The following COL24A1 variants were observed in gnomAD, a reference collection of about 807,000 sequenced individuals.
The protein encoded by COL24A1 is collagen alpha-1(XXIV) chain.
In COL24A1, 224 loss-of-function variants were observed where a neutral mutation model predicts 253.9. That is an observed-to-expected ratio of 0.88 (90% confidence interval 0.79 to 0.99). The LOEUF (loss-of-function observed/expected upper bound fraction) is 0.99, where lower values mean the gene tolerates loss of function less well. Ranked by LOEUF, COL24A1 falls within the 50% of genes least tolerant of loss-of-function variation. The probability of loss-of-function intolerance (pLI) is 0.00; values close to 1 mark genes in which losing one functional copy is unlikely to be tolerated. For synonymous variants in COL24A1, 685 were observed against 673.7 expected, an observed-to-expected ratio of 1.02 and a Z score of -0.26; for missense variants, 2,131 against 2,068.5, an observed-to-expected ratio of 1.03 and a Z score of -0.59.
Position 85,889,608 on chromosome 1 carries a change from T to C in COL24A1, c.2928A>G (p.Leu976=), listed in dbSNP as rs755037077. 1.2e-6 allele frequency: 2 copies of C among 1,613,204 alleles called. No homozygotes were observed. The highest frequency in any genetic ancestry group is 1.7e-6 in the Non-Finnish European group (2 of 1,179,312). The change falls in exon 32 of 60, where the codon TTA becomes TTG. Residue 976 remains leucine (L), a synonymous_variant. Transcript: ENST00000370571. ...GERGFQGKPG[L]QGLPGSTGDR... is the part of the protein sequence containing the mutation. ...CACCTGTACTTCCAGGCAATCCCTG[T>C]AAACCCTGGACAAATAAAGGCAATA...
At chr1:86,132,866 T>C (rs902433440) in intron 2 of COL24A1, among the ~76,000 whole-genome samples, 28 of 151,944 alleles carry the variant, frequency 1.8e-4, no homozygotes, top group Non-Finnish European at 3.7e-4. Context: ...TTTGGTTCCA[T>C]ATGAACTTTA....
chr1:85,892,136 A>G (rs563604617), intron 31 of COL24A1, among the ~76,000 whole-genome samples: 1 of 152,304 alleles, frequency 6.6e-6, no homozygotes, highest in South Asian at 2.1e-4. Flanking sequence ...AGTAATTTGT[A>G]CAAAGTCAAG....
At chr1:86,072,013 T>G (rs1701911040) in intron 7 of COL24A1, among the ~76,000 whole-genome samples, 1 of 152,190 alleles carries the variant, frequency 6.6e-6, no homozygotes, top group African/African-American at 2.4e-5. Context: ...CTGTGAAACC[T>G]GCAGACCAGG....
chr1:86,104,445 G>C (rs575019938), intron 5 of COL24A1, among the ~76,000 whole-genome samples: 1 of 152,264 alleles, frequency 6.6e-6, no homozygotes, highest in South Asian at 2.1e-4. Flanking sequence ...GAGGAAAGAA[G>C]GCACTCTGAC....
intron 2 of COL24A1, among the ~76,000 whole-genome samples, chr1:86,143,595 G>A (rs1336531004): frequency 6.6e-6 from 1 of 151,882 alleles, no homozygotes; most frequent in Non-Finnish European, 1.5e-5. Context: ...GAATAGTAAT[G>A]TTAAGTCCTC....
intron 24 of COL24A1, among the ~76,000 whole-genome samples, chr1:85,918,883 C>T (rs1686175379): frequency 6.6e-6 from 1 of 152,118 alleles, no homozygotes; most frequent in South Asian, 2.1e-4. Flanking sequence ...ATTCACTGCT[C>T]CTTTCTGTGG....
intron 19 of COL24A1, among the ~76,000 whole-genome samples, chr1:86,011,517 G>T (rs994868468): frequency 6.6e-6 from 1 of 151,988 alleles, no homozygotes; most frequent in Non-Finnish European, 1.5e-5. Flanking sequence ...TATGCTCTTG[G>T]TACTATAAAA....
intron 19 of COL24A1, among the ~76,000 whole-genome samples, chr1:86,002,894 C>T (rs1695569407): frequency 6.6e-6 from 1 of 152,112 alleles, no homozygotes; most frequent in African/African-American, 2.4e-5. Flanking sequence ...CCATTCTATA[C>T]CTAGGAATAC....
rs528451622 is a variant in COL24A1, at chr1:85,775,716, G to T, written c.4339-7C>A. 1 of 1,380,108 alleles carries T rather than the reference G, an allele frequency of 7.2e-7. No homozygotes were observed. The highest frequency in any genetic ancestry group is 2.2e-5 in the Admixed American group (1 of 46,290). 85.5% of individuals were successfully genotyped at this position (1,380,108 alleles called of 1,614,324 possible). ...CCTTTTCACCTCTGGGTCCCTAAAA[G>T]AAAAAAAAAAGATGTTAGTTCATTG... On this transcript the variant is annotated splice_region_variant and splice_polypyrimidine_tract_variant and intron_variant, in intron 52 of 59. Transcript: ENST00000370571.
chr1:86,065,036 A>G (rs1339747648), intron 7 of COL24A1, among the ~76,000 whole-genome samples: 1 of 152,176 alleles, frequency 6.6e-6, no homozygotes, highest in African/African-American at 2.4e-5. Context: ...AACAGGAGAT[A>G]AGAAACATCC....
chr1:86,012,165 C>T (rs1459995235), intron 19 of COL24A1, among the ~76,000 whole-genome samples: 3 of 152,126 alleles, frequency 2.0e-5, no homozygotes, highest in Non-Finnish European at 4.4e-5. Context: ...AAAAGTTCTA[C>T]AGGTGATAGT....
chr1:86,090,969 A>C (rs982204627), intron 6 of COL24A1, among the ~76,000 whole-genome samples: 1 of 152,112 alleles, frequency 6.6e-6, no homozygotes, highest in Non-Finnish European at 1.5e-5. Context: ...TGTTTAATCT[A>C]GGGGTTTTAC....
intron 12 of COL24A1, among the ~76,000 whole-genome samples, chr1:86,042,771 G>A (rs964100351): frequency 6.6e-6 from 1 of 152,124 alleles, no homozygotes; most frequent in Non-Finnish European, 1.5e-5. Flanking sequence ...GTATGAGCAC[G>A]TGATTTATAG....
chr1:86,114,002 AATT>A lies in COL24A1; in HGVS notation c.1545+1320_1545+1322del, dbSNP rs766080975. 3.9e-5 allele frequency among the ~76,000 whole-genome samples: 6 copies of A among 152,268 alleles called. No homozygotes were observed. The East Asian group carries it at 5.8e-4, about 15-fold the overall frequency. ...GTAAAAGTAAGGACAATGGAATATA[AATT>A]ATTATTTCACAAAGCTCAGTAGTAC... On this transcript the variant is annotated intron_variant, in intron 4 of 59. Coordinates refer to ENST00000370571, the MANE Select transcript of COL24A1 (RefSeq NM_152890.7).
At chr1:85,773,500 G>C (rs1482613495) in intron 53 of COL24A1, among the ~76,000 whole-genome samples, 1 of 152,156 alleles carries the variant, frequency 6.6e-6, no homozygotes, top group East Asian at 1.9e-4. Flanking sequence ...TCCTATTCAT[G>C]AGCATGGAAT....
chr1:85,745,532 T>C, intron 55 of COL24A1, 26 bp from the exon 56 acceptor site: 1 of 1,580,508 alleles, frequency 6.3e-7, no homozygotes, highest in Non-Finnish European at 8.6e-7. Context: ...CCATTTGAGA[T>C]TAGCAATAAG....
intron 37 of COL24A1, among the ~76,000 whole-genome samples, chr1:85,866,222 C>T (rs1679781487): frequency 6.6e-6 from 1 of 152,206 alleles, no homozygotes; most frequent in South Asian, 2.1e-4. Context: ...AAGATCGTGC[C>T]ACTGCACTTC....
At chr1:86,110,932 G>A (rs879273367) in intron 5 of COL24A1, among the ~76,000 whole-genome samples, 100 of 152,276 alleles carry the variant, frequency 6.6e-4, no homozygotes, top group Admixed American at 3.1e-3. Flanking sequence ...GAGGAGTGCC[G>A]GCAAGTGGAG....
intron 24 of COL24A1, among the ~76,000 whole-genome samples, chr1:85,933,322 A>G (rs1687968881): frequency 1.3e-5 from 2 of 152,320 alleles, no homozygotes; most frequent in South Asian, 4.1e-4. Context: ...ACAGAAATAA[A>G]TTACATTAAA....
Sources: allele counts gnomAD v4.1 joint callset (sites outside exome capture counted in the v4.1 genomes callset), GRCh38; gene constraint gnomAD v4.1.1; transcripts MANE v1.5; gene names NCBI Gene and HGNC (gene_info 2026-07-23, HGNC 2026-07-21).